The following NFAT5 variants were observed in gnomAD, a reference collection of about 807,000 sequenced individuals.
NFAT5 encodes the protein nuclear factor of activated T cells 5.
NFAT5 carries 31 observed loss-of-function variants against 166.5 expected under a neutral mutation model. The ratio of observed to expected loss-of-function variants is 0.19; its 90% confidence interval spans 0.14 to 0.25. The LOEUF is 0.25. Among genes scored for constraint, NFAT5 ranks in the 10% least tolerant of loss-of-function variants. The pLI, the probability that NFAT5 is intolerant of heterozygous loss-of-function variation, is 1.00. For synonymous variants in NFAT5, 612 were observed against 639.7 expected (o/e 0.96, Z 0.65); for missense variants, 1,449 against 1,821.8 (o/e 0.80, Z 3.72).
chr16:69,644,418 CAG>C (rs1197387344), intron 3 of NFAT5, among the ~76,000 whole-genome samples: 2 of 152,060 alleles, frequency 1.3e-5, no homozygotes, highest in Non-Finnish European at 2.9e-5. Context: ...TCTTTTCTGA[CAG>C]AGTTAATATT....
In NFAT5 at chr16:69,695,290, A is replaced by G; in HGVS notation, c.4569A>G (p.Ile1523Met). ...MPENSPLASS[I>M]NTNQNIEKID... ...AGAATTCTCCACTGGCATCCTCTAT[A>G]AACACCAACCAGAACATCGAAAAGA... is the stretch of plus-strand genomic sequence containing the variant. Residue 1523 changes from isoleucine to methionine, a missense_variant, in exon 14 of 15, where the codon ATA becomes ATG. By Grantham distance (10) the Ile-to-Met change is conservative (BLOSUM62 1). Coordinates refer to ENST00000349945, the MANE Select transcript of NFAT5 (RefSeq NM_138713.4). 1 of 1,614,190 alleles carries G rather than the reference A, an allele frequency of 6.2e-7. No homozygotes were observed. Among genetic ancestry groups the G allele is most frequent in the South Asian group, 1.1e-5 (1 of 91,086 alleles).
intron 3 of NFAT5, among the ~76,000 whole-genome samples, chr16:69,640,740 G>A (rs1463250831): frequency 6.6e-6 from 1 of 152,202 alleles, no homozygotes; most frequent in Non-Finnish European, 1.5e-5. Context: ...CCAGCACTAT[G>A]GGAGGCTGAG....
At position 69,641,838 on chromosome 16, in the gene NFAT5, C is replaced by G. The variant is rs141596212; in HGVS notation, c.254-5190C>G. The stretch of plus-strand genomic sequence containing the variant: ...TCAGTCTGGGCATGGTGCCTCATGC[C>G]TGTAATCCTAGCACTTTGGGAGGCT... On this transcript the variant is annotated intron_variant, in intron 3 of 14. Transcript: ENST00000349945. 2.2e-3 allele frequency among the ~76,000 whole-genome samples: 338 copies of G among 152,226 alleles called. 2 individuals carry two copies. The highest frequency in any genetic ancestry group is 5.8e-3 in the South Asian group (28 of 4,822).
At chr16:69,602,814 T>C (rs2033204455) in intron 2 of NFAT5, among the ~76,000 whole-genome samples, 1 of 150,802 alleles carries the variant, frequency 6.6e-6, no homozygotes, top group South Asian at 2.1e-4. Flanking sequence ...TTTTGCCACA[T>C]TGCCCAGGTT....
At position 69,697,482 on chromosome 16, in the gene NFAT5, A is replaced by G. The variant is rs1369974446; in HGVS notation, c.*1131A>G. 6.6e-6 allele frequency: 1 copy of G among 152,398 alleles called. No homozygotes were observed. The allele number at this position is 152,398 out of a possible 1,614,324, so 9.4% of individuals were successfully genotyped here. A position where few individuals can be genotyped will look rare whatever the true frequency, so the allele number is the denominator to read the frequency against. ...AATTAAAAAAAAAAGGCAAACTAAA[A>G]TTTCTTGAAATATCACTTCTCCCTG... On this transcript the variant is annotated 3_prime_UTR_variant, in exon 15 of 15. Transcript: ENST00000349945.
In NFAT5 at chr16:69,585,874, TATAGTTAA is replaced by T. The variant is rs1443985112; in HGVS notation, c.127+17329_127+17336del. On this transcript the variant is annotated intron_variant, in intron 2 of 14. Coordinates refer to ENST00000349945, the MANE Select transcript of NFAT5 (RefSeq NM_138713.4). ...TGGGGGTTGGGGAGGAATGGGAAACTATAGTTAAATGGGTACAGAGTTTGTTTGGAGTA... is the reference window on the plus strand; with the variant it reads ...TGGGGGTTGGGGAGGAATGGGAAACTATGGGTACAGAGTTTGTTTGGAGTA... 3.9e-5 allele frequency among the ~76,000 whole-genome samples: 6 copies of T among 152,312 alleles called. No individual in the cohort carries two copies. The South Asian group carries it at 1.2e-3, about 32-fold the overall frequency.
intron 7 of NFAT5, among the ~76,000 whole-genome samples, chr16:69,663,994 A>G (rs2036255825): frequency 6.6e-6 from 1 of 152,192 alleles, no homozygotes; most frequent in South Asian, 2.1e-4. Context: ...ATTTTATCTT[A>G]TGGTTACTCA....
intron 5 of NFAT5, among the ~76,000 whole-genome samples, chr16:69,653,699 A>G (rs1393228850): frequency 6.6e-6 from 1 of 151,516 alleles, no homozygotes; most frequent in Non-Finnish European, 1.5e-5. Context: ...CAGCCACCTG[A>G]GTAGCTGGGA....
At chr16:69,625,626 T>G (rs904973564) in intron 2 of NFAT5, among the ~76,000 whole-genome samples, 1 of 152,002 alleles carries the variant, frequency 6.6e-6, no homozygotes, top group Non-Finnish European at 1.5e-5. Context: ...TAGTGTTGAA[T>G]TAAAATATTT....
At chr16:69,649,132 T>C in intron 4 of NFAT5, 5 of 884,136 alleles carry the variant, frequency 5.7e-6, no homozygotes, top group Non-Finnish European at 6.8e-6. Context: ...GAACTATTAC[T>C]TATAAAATAA....
At chr16:69,591,077 ACATGCCAC>A (rs1555519217) in intron 2 of NFAT5, among the ~76,000 whole-genome samples, 1 of 152,124 alleles carries the variant, frequency 6.6e-6, no homozygotes, top group Non-Finnish European at 1.5e-5. Context: ...GATTACAGGT[ACATGCCAC>A]CATGCCTGGC....
chr16:69,595,584 G>A (rs1435101965), intron 2 of NFAT5, among the ~76,000 whole-genome samples: 4 of 152,190 alleles, frequency 2.6e-5, no homozygotes, highest in Non-Finnish European at 5.9e-5. Flanking sequence ...TGTTTGAGGT[G>A]TGGCAGCAAA....
rs1002184983 is a variant in NFAT5, at chr16:69,697,037, G to T, written c.*686G>T. On this transcript the variant is annotated 3_prime_UTR_variant, in exon 15 of 15. Transcript: ENST00000349945. ...GTTAGTTCTCTGGGTTTCTACTAAGGGGTTTAGCCATAACTGTGCATAGAA... is the reference window on the plus strand; with the variant it reads ...GTTAGTTCTCTGGGTTTCTACTAAGTGGTTTAGCCATAACTGTGCATAGAA... 6.6e-6 allele frequency: 1 copy of T among 152,450 alleles called. No individual in the cohort carries two copies. The highest frequency in any genetic ancestry group is 1.5e-5 in the Non-Finnish European group (1 of 67,998). The allele number at this position is 152,450 out of a possible 1,614,324, so 9.4% of individuals were successfully genotyped here.
intron 2 of NFAT5, among the ~76,000 whole-genome samples, chr16:69,588,368 G>T (rs2032233200): frequency 6.6e-6 from 1 of 152,136 alleles, no homozygotes; most frequent in Admixed American, 6.5e-5. Flanking sequence ...TTAAGACAAG[G>T]TCTGTAATCA....
In NFAT5 at chr16:69,701,584, T is replaced by C. The variant is rs1411641965; in HGVS notation, c.*5233T>C. On this transcript the variant is annotated 3_prime_UTR_variant, in exon 15 of 15. Coordinates refer to ENST00000349945, the MANE Select transcript of NFAT5 (RefSeq NM_138713.4). ...GGTAAAAGATTACAGAATTAGACTG[T>C]TCAGCCTTTATATAAACTAAATTTG... 1 of 152,556 alleles carries C rather than the reference T, an allele frequency of 6.6e-6. No homozygotes were observed. Among genetic ancestry groups the C allele is most frequent in the Non-Finnish European group, 1.5e-5 (1 of 68,038 alleles). 9.5% of individuals were successfully genotyped at this position (152,556 alleles called of 1,614,324 possible). A position where few individuals can be genotyped will look rare whatever the true frequency, so the allele number is the denominator to read the frequency against.
chr16:69,580,104 TTTACA>T (rs2031569639), intron 2 of NFAT5, among the ~76,000 whole-genome samples: 1 of 152,170 alleles, frequency 6.6e-6, no homozygotes, highest in East Asian at 1.9e-4. Context: ...TGTTGCTAAA[TTTACA>T]TTACATTACA....
chr16:69,585,994 A>G (rs1203510501), intron 2 of NFAT5, among the ~76,000 whole-genome samples: 1 of 152,236 alleles, frequency 6.6e-6, no homozygotes, highest in Non-Finnish European at 1.5e-5. Context: ...ACTTAAAAAT[A>G]GTTAAAATGG....
At chr16:69,677,732 G>C (rs2036887676) in intron 10 of NFAT5, among the ~76,000 whole-genome samples, 1 of 152,182 alleles carries the variant, frequency 6.6e-6, no homozygotes, top group South Asian at 2.1e-4. Flanking sequence ...AGAGAGAAGA[G>C]ATAAACTAGA....
At chr16:69,688,237 G>A (rs2037407353) in intron 11 of NFAT5, among the ~76,000 whole-genome samples, 3 of 141,650 alleles carry the variant, frequency 2.1e-5, no homozygotes, top group Admixed American at 2.1e-4. Context: ...CCAGGAGTTT[G>A]AGGCTGCAGG....
Sources: gnomAD v4.1 joint callset for allele counts (sites outside exome capture counted in the v4.1 genomes callset) on GRCh38, gnomAD v4.1.1 for gene constraint, MANE v1.5 for transcripts, NCBI Gene and HGNC (gene_info 2026-07-23, HGNC 2026-07-21) for gene names.